Variants in BNIP5 observed in about 807,000 individuals in gnomAD.
BNIP5 encodes the protein BCL2 interacting protein 5.
In BNIP5, 61 loss-of-function variants were observed where a neutral mutation model predicts 67.3. That is an observed-to-expected ratio of 0.91 (90% CI 0.74 to 1.12). The LOEUF is 1.12. Ranked by LOEUF, BNIP5 falls within the 50% of genes most tolerant of loss-of-function variation. The pLI, the probability that BNIP5 is intolerant of heterozygous loss-of-function variation, is 0.00. For missense variants in BNIP5, 826 were observed against 816.3 expected (o/e 1.01, Z -0.14); for synonymous variants, 317 against 319.0 (o/e 0.99, Z 0.07).
rs909845349 is a variant in BNIP5, at chr6:36,329,968, G to T, written c.610+113C>A. 1.2e-5 allele frequency: 14 copies of T among 1,191,592 alleles called. No individual in the cohort carries two copies. The African/African-American group carries it at 1.7e-4, about 14-fold the overall frequency. 73.8% of individuals were successfully genotyped at this position (1,191,592 alleles called of 1,614,324 possible). A position where few individuals can be genotyped will look rare whatever the true frequency, so the allele number is the denominator to read the frequency against. ...AGGAAGGAAGGAAGGAAGTCACAGC[G>T]GTGCCGGCCCCTGACAGCTCCCCCG... On this transcript the variant is annotated intron_variant, in intron 2 of 11. Coordinates refer to ENST00000437635, the MANE Select transcript of BNIP5 (RefSeq NM_001010903.5).
chr6:36,322,370 G>C lies in BNIP5; in HGVS notation c.1544C>G (p.Ser515Cys). The C allele has an allele frequency of 6.2e-7, 1 of 1,614,190 alleles. No individual in the cohort carries two copies. The highest frequency in any genetic ancestry group is 1.1e-5 in the South Asian group (1 of 91,082). ...TTCTGGCGTGTGGCCTCTAGCCTGG[G>C]AGGGTGCTTCTGAGATCACAACTGG... ...GEPVVISEAP[S>C]QARGHTPEGA... Residue 515 changes from serine (S) to cysteine (C), a missense_variant, in exon 9 of 12, where the codon TCC (serine) becomes TGC (cysteine). Transcript: ENST00000437635.
Position 36,322,552 on chromosome 6 carries a change from C to CCA in BNIP5, c.1472-111_1472-110insTG, listed in dbSNP as rs1561881987. 1.1e-4 allele frequency: 135 copies of CCA among 1,222,932 alleles called. 1 individual carries two copies. The South Asian group carries it at 1.8e-3, about 16-fold the overall frequency. 75.8% of individuals were successfully genotyped at this position (1,222,932 alleles called of 1,614,324 possible). ...AGCAGGGGCTGGTTTCCAGGCTCCT[C>CCA]GGTGAGTTTCCTGCCCCCGGCTCTG... On this transcript the variant is annotated intron_variant, in intron 8 of 11. Coordinates refer to ENST00000437635, the MANE Select transcript of BNIP5 (RefSeq NM_001010903.5).
In BNIP5 at chr6:36,316,333, C is replaced by T; in HGVS notation, c.*1023G>A. On this transcript the variant is annotated 3_prime_UTR_variant, in exon 12 of 12. Coordinates refer to ENST00000437635, the MANE Select transcript of BNIP5 (RefSeq NM_001010903.5). ...ATATGAACATGTGGCAAATTTCACACCTGAGTCAAGCTATTGAAACTGTTG... is the reference window on the plus strand; with the variant it reads ...ATATGAACATGTGGCAAATTTCACATCTGAGTCAAGCTATTGAAACTGTTG... 1 of 396,610 alleles carries T rather than the reference C, an allele frequency of 2.5e-6. No individual in the cohort carries two copies. The highest frequency in any genetic ancestry group is 4.4e-6 in the Non-Finnish European group (1 of 225,306). 24.6% of individuals were successfully genotyped at this position (396,610 alleles called of 1,614,324 possible). A position where few individuals can be genotyped will look rare whatever the true frequency, so the allele number is the denominator to read the frequency against.
At position 36,328,614 on chromosome 6, in the gene BNIP5, C is replaced by T. The variant is rs753181406; in HGVS notation, c.711G>A (p.Glu237=). 4 of 1,612,852 alleles carry T rather than the reference C, an allele frequency of 2.5e-6. No homozygotes were observed. The highest frequency in any genetic ancestry group is 3.3e-5 in the Admixed American group (2 of 60,030). ...CCGACTCACGGTCAGGCTTTTTGAG[C>T]TCCTCTTCTTGCTGATGACCTGTGG... is the stretch of plus-strand genomic sequence containing the variant. ...PHATGHQQEE[E]LKKPDQDAII... Residue 237 remains glutamate, a synonymous_variant, in exon 3 of 12, where the codon GAG becomes GAA. Coordinates refer to ENST00000437635, the MANE Select transcript of BNIP5 (RefSeq NM_001010903.5).
At chr6:36,335,148 C>T (rs568333138) in intron 1 of BNIP5, among the ~76,000 whole-genome samples, 102 of 152,336 alleles carry the variant, frequency 6.7e-4, no homozygotes, top group African/African-American at 2.4e-3. Flanking sequence ...AGTTTGCTTG[C>T]CTTCCCCAAG....
At chr6:36,330,023 C>A in intron 2 of BNIP5, 58 bp downstream of exon 2, 14 of 1,510,844 alleles carry the variant, frequency 9.3e-6, no homozygotes, top group Admixed American at 2.2e-5. Context: ...GGAGAGGCTC[C>A]TGGAGCAAGT....
chr6:36,316,051 G>A lies in BNIP5; in HGVS notation c.*1305C>T, dbSNP rs2127360202. 6.4e-6 allele frequency: 1 copy of A among 155,916 alleles called. No homozygotes were observed. The highest frequency in any genetic ancestry group is 2.4e-5 in the African/African-American group (1 of 41,692). The allele number at this position is 155,916 out of a possible 1,614,324, so 9.7% of individuals were successfully genotyped here. On this transcript the variant is annotated 3_prime_UTR_variant, in exon 12 of 12. Coordinates refer to ENST00000437635, the MANE Select transcript of BNIP5 (RefSeq NM_001010903.5). Reference sequence around the variant, plus strand: ...TGGCTTTCCGGATAGGCTGAGTTGAGCTTATGAAGCCAGTGCCTCAGGTTG... The same window carrying A: ...TGGCTTTCCGGATAGGCTGAGTTGAACTTATGAAGCCAGTGCCTCAGGTTG...
chr6:36,322,592 G>C lies in BNIP5; in HGVS notation c.1472-150C>G, dbSNP rs374461477. On this transcript the variant is annotated intron_variant, in intron 8 of 11. Transcript: ENST00000437635. ...CCCCGGCTCTGCCTCAGAGGAGTTC[G>C]TGGTGCACTCCTGGCCTTCTCCAGA... 105 of 798,374 alleles carry C rather than the reference G, an allele frequency of 1.3e-4. 1 individual carries two copies. Among genetic ancestry groups the C allele is most frequent in the Non-Finnish European group, 1.3e-4 (64 of 506,108 alleles). The allele number at this position is 798,374 out of a possible 1,614,324, so 49.5% of individuals were successfully genotyped here.
intron 1 of BNIP5, among the ~76,000 whole-genome samples, chr6:36,334,659 G>A (rs894691777): frequency 4.6e-5 from 7 of 152,136 alleles, no homozygotes; most frequent in African/African-American, 1.7e-4. Context: ...TGCGGATGGG[G>A]TGTCCTCAGT....
At chr6:36,335,776 G>T (rs1032031098) in intron 1 of BNIP5, among the ~76,000 whole-genome samples, 7 of 152,156 alleles carry the variant, frequency 4.6e-5, no homozygotes, top group Non-Finnish European at 1.0e-4. Flanking sequence ...TAAGAGACAC[G>T]CCCAAGGTCA....
intron 2 of BNIP5, among the ~76,000 whole-genome samples, chr6:36,329,864 G>A (rs78323290): frequency 0.14 from 21,290 of 148,752 alleles, 1,717 homozygotes; most frequent in African/African-American, 0.23. Flanking sequence ...AAAGGAAAGA[G>A]AAAAGAGAGA....
intron 9 of BNIP5, among the ~76,000 whole-genome samples, 185 bp from the exon 10 acceptor site, chr6:36,321,404 G>C (rs1771633855): frequency 6.6e-6 from 1 of 152,208 alleles, no homozygotes. Flanking sequence ...TGGAGTATGA[G>C]AGACTTGTTT....
chr6:36,323,859 G>T (rs182059842), intron 7 of BNIP5, among the ~76,000 whole-genome samples: 196 of 152,270 alleles, frequency 1.3e-3, no homozygotes, highest in African/African-American at 4.2e-3. Flanking sequence ...AATTAGCCGG[G>T]TGTGGTGGCG....
intron 1 of BNIP5, among the ~76,000 whole-genome samples, chr6:36,335,879 T>C (rs1374723415): frequency 6.6e-6 from 1 of 152,182 alleles, no homozygotes. Flanking sequence ...CATGTAAGCA[T>C]AGATACACAT....
Position 36,330,605 on chromosome 6 carries a change from G to C in BNIP5, c.86C>G (p.Ser29Trp), listed in dbSNP as rs148780889. The C allele has an allele frequency of 1.2e-6, 2 of 1,611,674 alleles. No homozygotes were observed. Among genetic ancestry groups the C allele is most frequent in the Non-Finnish European group, 1.7e-6 (2 of 1,180,014 alleles). ...LDRPQAPGKG[S>W]ESWDCHWLSL... is the part of the protein sequence containing the mutation. ...GAGCCAATGGCAGTCCCACGACTCC[G>C]AGCCTTTCCCGGGGGCCTGCGGCCT... The change falls in exon 2 of 12, where the codon TCG becomes TGG. Residue 29 changes from serine to tryptophan, a missense_variant. By Grantham distance (177) the Ser-to-Trp change is radical. Transcript: ENST00000437635.
rs1313626597 is a variant in BNIP5, at chr6:36,317,288, A to C, written c.*68T>G. ...GATTGGGACATCACAGAGCATCTTC[A>C]GGGTCTCCTGGCTAAAGCTGCGAAC... On this transcript the variant is annotated 3_prime_UTR_variant, in exon 12 of 12. Coordinates refer to ENST00000437635, the MANE Select transcript of BNIP5 (RefSeq NM_001010903.5). The C allele has an allele frequency of 2.4e-6, 3 of 1,246,702 alleles. No individual in the cohort carries two copies. The highest frequency in any genetic ancestry group is 3.6e-6 in the Non-Finnish European group (3 of 844,444). The allele number at this position is 1,246,702 out of a possible 1,614,324, so 77.2% of individuals were successfully genotyped here.
rs779696473 is a variant in BNIP5, at chr6:36,325,291, G to A, written c.1160C>T (p.Ser387Leu). 9.9e-6 allele frequency: 16 copies of A among 1,614,024 alleles called. No homozygotes were observed. The highest frequency in any genetic ancestry group is 3.3e-5 in the Admixed American group (2 of 59,996). The change falls in exon 6 of 12, where the codon TCG (serine) becomes TTG (leucine). Residue 387 changes from serine (S) to leucine (L), a missense_variant. By Grantham distance (145) the Ser-to-Leu change is moderately radical. Transcript: ENST00000437635. ...AAGAGAGGAGTACTGACTGTATTCC[G>A]AGGCTCTGTCCAGCGGAAGCTCCTC... is the stretch of plus-strand genomic sequence containing the variant. ...PGEELPLDRA[S>L]EYKEFIQKII... is the part of the protein sequence containing the mutation.
At chr6:36,321,576 C>T (rs1267048705) in intron 9 of BNIP5, among the ~76,000 whole-genome samples, 1 of 152,118 alleles carries the variant, frequency 6.6e-6, no homozygotes, top group Non-Finnish European at 1.5e-5. Context: ...AGGAGCAGCA[C>T]ATCAGAATGC....
At chr6:36,336,206 A>G (rs1772014167) in intron 1 of BNIP5, among the ~76,000 whole-genome samples, 1 of 152,188 alleles carries the variant, frequency 6.6e-6, no homozygotes, top group Admixed American at 6.5e-5. Context: ...ACTTCCAAAA[A>G]CCTTAAAACT....
Sources: gnomAD v4.1 joint callset for allele counts (sites outside exome capture counted in the v4.1 genomes callset) on GRCh38, gnomAD v4.1.1 for gene constraint, MANE v1.5 for transcripts, NCBI Gene and HGNC (gene_info 2026-07-23, HGNC 2026-07-21) for gene names.